RANBP10: variants seen among roughly 807,000 people sequenced by gnomAD.
RANBP10 encodes RAN binding protein 10, also known as ran-binding protein 10.
A neutral mutation model predicts 72.8 loss-of-function variants in RANBP10; 24 were observed. That is an observed-to-expected ratio of 0.33 (90% CI 0.24 to 0.46). RANBP10 has a LOEUF of 0.46. Ranked by LOEUF, RANBP10 falls within the 20% of genes least tolerant of loss-of-function variation. The probability of loss-of-function intolerance (pLI) is 1.00; values close to 1 mark genes in which losing one functional copy is unlikely to be tolerated. For missense variants in RANBP10, 679 were observed against 817.5 expected (o/e 0.83, Z 2.07); for synonymous variants, 310 against 322.3 (o/e 0.96, Z 0.41).
chr16:67,783,083 A>G (rs1006184500), intron 2 of RANBP10, among the ~76,000 whole-genome samples: 2 of 152,114 alleles, frequency 1.3e-5, no homozygotes, highest in South Asian at 2.1e-4. Flanking sequence ...ACAACAGTAC[A>G]GCTTCAGAAA....
chr16:67,734,496 G>A (rs1307504167), intron 6 of RANBP10, among the ~76,000 whole-genome samples: 1 of 152,208 alleles, frequency 6.6e-6, no homozygotes, highest in Non-Finnish European at 1.5e-5. Context: ...ACAGCACCAT[G>A]GATACTCCCT....
At chr16:67,770,965 T>A (rs1407056678) in intron 3 of RANBP10, among the ~76,000 whole-genome samples, 1 of 148,236 alleles carries the variant, frequency 6.7e-6, no homozygotes, top group Non-Finnish European at 1.5e-5. Flanking sequence ...AGAAAAATAA[T>A]AGATGATAAA....
At chr16:67,751,982 A>G (rs79092525) in intron 3 of RANBP10, among the ~76,000 whole-genome samples, 1 of 144,878 alleles carries the variant, frequency 6.9e-6, no homozygotes, top group Non-Finnish European at 1.5e-5. Flanking sequence ...GAGCTCAATT[A>G]AAAAAAAAAA....
In RANBP10 at chr16:67,730,074, G is replaced by A; in HGVS notation, c.890-28C>T. On this transcript the variant is annotated intron_variant, in intron 7 of 13. Coordinates refer to ENST00000317506, the MANE Select transcript of RANBP10 (RefSeq NM_020850.3). This position sits in a 1 kb window ranked among gnomAD's most constrained non-coding sequence, Gnocchi z 4.3. ...GCAGGGTGCAAGAACACAGCAGTGAGCGAGGGCTACAGGCCTCTCCCACAG... is the reference window on the plus strand; with the variant it reads ...GCAGGGTGCAAGAACACAGCAGTGAACGAGGGCTACAGGCCTCTCCCACAG... The A allele has an allele frequency of 2.5e-6, 4 of 1,599,724 alleles. No homozygotes were observed. The South Asian group carries it at 3.3e-5, about 13-fold the overall frequency.
intron 2 of RANBP10, among the ~76,000 whole-genome samples, chr16:67,779,086 T>A (rs558435475): frequency 9.4e-5 from 14 of 149,342 alleles, no homozygotes; most frequent in African/African-American, 3.5e-4. Context: ...TGAGACACTG[T>A]CTCAAAATAA....
chr16:67,757,528 G>A (rs956350951), intron 3 of RANBP10, among the ~76,000 whole-genome samples: 3 of 152,158 alleles, frequency 2.0e-5, no homozygotes, highest in East Asian at 1.9e-4. Context: ...CAGGTACATT[G>A]CGGGACATCA....
At chr16:67,803,356 A>G (rs1368317723) in intron 2 of RANBP10, among the ~76,000 whole-genome samples, 2 of 151,994 alleles carry the variant, frequency 1.3e-5, no homozygotes, top group African/African-American at 4.8e-5. Context: ...TCTACAAATA[A>G]TTTAAAAAAT....
At chr16:67,768,581 T>C (rs7203879) in intron 3 of RANBP10, among the ~76,000 whole-genome samples, 1,762 of 152,132 alleles carry the variant, frequency 0.012, 28 homozygotes, top group African/African-American at 0.035. Flanking sequence ...CTGAGCATGG[T>C]GGCATGTGCC....
chr16:67,744,208 C>T, intron 4 of RANBP10, 80 bp downstream of exon 4: 4 of 1,552,626 alleles, frequency 2.6e-6, no homozygotes, highest in Non-Finnish European at 3.5e-6. Context: ...GCGACACTGC[C>T]TTGAGCACTT....
At chr16:67,796,141 C>G (rs529402386) in intron 2 of RANBP10, among the ~76,000 whole-genome samples, 1 of 152,066 alleles carries the variant, frequency 6.6e-6, no homozygotes, top group East Asian at 1.9e-4. Flanking sequence ...TGGTTTCAAA[C>G]TCCTGACCTT....
intron 1 of RANBP10, 85 bp downstream of exon 1, chr16:67,806,217 G>C: frequency 1.5e-6 from 2 of 1,296,004 alleles, no homozygotes; most frequent in Non-Finnish European, 1.1e-6. Flanking sequence ...GGCAGGGAAA[G>C]GGAGGTGATA....
chr16:67,727,166 C>G (rs1007550447), intron 13 of RANBP10, among the ~76,000 whole-genome samples, 161 bp downstream of exon 13: 2 of 152,224 alleles, frequency 1.3e-5, no homozygotes, highest in African/African-American at 4.8e-5. Context: ...TGGTGGCACG[C>G]ACCTTAGTCC....
chr16:67,751,973 A>C (rs1039291519), intron 3 of RANBP10, among the ~76,000 whole-genome samples: 6 of 151,924 alleles, frequency 3.9e-5, no homozygotes, highest in Admixed American at 6.6e-5. Flanking sequence ...AAAACCAAAG[A>C]GCTCAATTAA....
chr16:67,772,226 T>C (rs1474142087), intron 2 of RANBP10, 140 bp from the exon 3 acceptor site: 9 of 842,832 alleles, frequency 1.1e-5, no homozygotes, highest in Non-Finnish European at 1.4e-5. Flanking sequence ...ATACTAATGG[T>C]TCTTGGAGAA....
chr16:67,744,739 C>T (rs187510711), intron 3 of RANBP10, among the ~76,000 whole-genome samples: 1 of 152,348 alleles, frequency 6.6e-6, no homozygotes, highest in Admixed American at 6.5e-5. Context: ...GGTGGTACAA[C>T]AAGGAGGTGG....
chr16:67,803,830 T>TAAAA (rs1186108487), intron 2 of RANBP10, among the ~76,000 whole-genome samples: 1 of 91,604 alleles, frequency 1.1e-5, no homozygotes. Flanking sequence ...CCCATCTCAT[T>TAAAA]AAAAAAAAAA....
chr16:67,755,751 T>A (rs1323567136), intron 3 of RANBP10, among the ~76,000 whole-genome samples: 6 of 144,124 alleles, frequency 4.2e-5, no homozygotes, highest in Non-Finnish European at 3.0e-5. Flanking sequence ...TGCAGGGAGA[T>A]ACATCCGGCT....
chr16:67,778,769 C>G (rs2054757656), intron 2 of RANBP10, among the ~76,000 whole-genome samples: 1 of 152,164 alleles, frequency 6.6e-6, no homozygotes, highest in African/African-American at 2.4e-5. Flanking sequence ...AAGATGCTCA[C>G]CATCACTATC....
intron 2 of RANBP10, among the ~76,000 whole-genome samples, chr16:67,775,871 C>T (rs544218986): frequency 1.2e-4 from 18 of 150,792 alleles, no homozygotes; most frequent in Non-Finnish European, 2.2e-4. Context: ...ACTTGCCGGG[C>T]GCGGTGGCTC....
Sources: allele counts gnomAD v4.1 joint callset (sites outside exome capture counted in the v4.1 genomes callset), GRCh38; gene constraint gnomAD v4.1.1; non-coding constraint Gnocchi (gnomAD v3.1); transcripts MANE v1.5; gene names NCBI Gene and HGNC (gene_info 2026-07-23, HGNC 2026-07-21).